ATRNL1: variants seen among roughly 807,000 people sequenced by gnomAD.
ATRNL1 encodes the protein attractin-like protein 1.
ATRNL1 carries 95 observed loss-of-function variants against 182.7 expected under a neutral mutation model. The observed-to-expected ratio is 0.52, with a 90% CI of 0.44 to 0.62. The LOEUF is 0.62. ATRNL1 is among the 20% of genes least tolerant of loss of function. The pLI, the probability that ATRNL1 is intolerant of heterozygous loss-of-function variation, is 0.00. For synonymous variants in ATRNL1, 576 were observed against 568.3 expected (o/e 1.01, Z -0.19); for missense variants, 1,471 against 1,679.5 (o/e 0.88, Z 2.17).
intron 27 of ATRNL1, among the ~76,000 whole-genome samples, chr10:115,828,055 C>T (rs1156562741): frequency 2.6e-5 from 4 of 151,968 alleles, no homozygotes; most frequent in East Asian, 1.9e-4. Context: ...CGGGGGCTCA[C>T]GCCTGTAATC....
chr10:115,294,209 C>A (rs1197881890), intron 15 of ATRNL1, among the ~76,000 whole-genome samples: 2 of 152,138 alleles, frequency 1.3e-5, no homozygotes, highest in African/African-American at 4.8e-5. Flanking sequence ...TCTAGCTGGG[C>A]ATGGTGGTGT....
At chr10:115,493,630 C>T (rs1036672822) in intron 24 of ATRNL1, among the ~76,000 whole-genome samples, 27 of 152,194 alleles carry the variant, frequency 1.8e-4, no homozygotes, top group African/African-American at 4.6e-4. Context: ...GGTACATACC[C>T]AATAATGGGA....
At chr10:115,737,579 T>C (rs1314425333) in intron 27 of ATRNL1, among the ~76,000 whole-genome samples, 1 of 152,216 alleles carries the variant, frequency 6.6e-6, no homozygotes, top group East Asian at 1.9e-4. Context: ...TTCCTCCTCC[T>C]GGCCTTGGCT....
At chr10:115,311,135 T>G (rs1854000798) in intron 17 of ATRNL1, among the ~76,000 whole-genome samples, 1 of 152,116 alleles carries the variant, frequency 6.6e-6, no homozygotes, top group Non-Finnish European at 1.5e-5. Context: ...CCTTTTGGAA[T>G]TGATTTCTAG....
intron 17 of ATRNL1, among the ~76,000 whole-genome samples, chr10:115,311,509 T>C (rs1331943288): frequency 1.3e-5 from 2 of 152,134 alleles, no homozygotes; most frequent in South Asian, 2.1e-4. Context: ...TTATAACTTA[T>C]TGAGACTTGT....
chr10:115,911,995 G>A (rs17269917), intron 28 of ATRNL1, among the ~76,000 whole-genome samples: 24,928 of 152,088 alleles, frequency 0.16, 2,216 homozygotes, highest in Non-Finnish European at 0.2. Flanking sequence ...ACTACACCAT[G>A]CGCTAACACA....
chr10:115,527,673 T>C (rs1218870943), intron 25 of ATRNL1, among the ~76,000 whole-genome samples: 1 of 152,166 alleles, frequency 6.6e-6, no homozygotes, highest in East Asian at 1.9e-4. Flanking sequence ...CTTTGTTTCA[T>C]TTTATAAATT....
intron 26 of ATRNL1, among the ~76,000 whole-genome samples, chr10:115,692,412 G>A (rs1946422925): frequency 6.6e-6 from 1 of 152,058 alleles, no homozygotes. Flanking sequence ...AGCATACAAA[G>A]TTTCAGTCAG....
intron 27 of ATRNL1, among the ~76,000 whole-genome samples, chr10:115,818,644 A>T (rs1555089333): frequency 6.6e-6 from 1 of 152,114 alleles, no homozygotes; most frequent in Non-Finnish European, 1.5e-5. Context: ...TTGAAAAGCC[A>T]GTGATATTTA....
intron 25 of ATRNL1, among the ~76,000 whole-genome samples, chr10:115,530,515 T>G (rs1303174703): frequency 6.6e-6 from 1 of 152,100 alleles, no homozygotes; most frequent in Non-Finnish European, 1.5e-5. Context: ...TAATAAGAGT[T>G]AAGCGCTTGA....
intron 27 of ATRNL1, among the ~76,000 whole-genome samples, chr10:115,768,937 T>C (rs1948922374): frequency 6.6e-6 from 1 of 151,996 alleles, no homozygotes; most frequent in Non-Finnish European, 1.5e-5. Flanking sequence ...CTTTTAAATC[T>C]TTTTCTTGTC....
chr10:115,131,369 G>T (rs1845227813), intron 5 of ATRNL1, among the ~76,000 whole-genome samples: 1 of 152,048 alleles, frequency 6.6e-6, no homozygotes, highest in South Asian at 2.1e-4. Flanking sequence ...TTAAGGAAAT[G>T]ATTTCTGAAT....
intron 27 of ATRNL1, among the ~76,000 whole-genome samples, chr10:115,821,591 A>C (rs781991910): frequency 3.2e-4 from 49 of 152,190 alleles, no homozygotes; most frequent in Non-Finnish European, 5.7e-4. Context: ...GGATGGAGGA[A>C]GATTTACCAA....
intron 27 of ATRNL1, among the ~76,000 whole-genome samples, chr10:115,832,781 GC>G: frequency 6.6e-6 from 1 of 152,150 alleles, no homozygotes; most frequent in East Asian, 1.9e-4. Context: ...TTGCTTGCTT[GC>G]TTCAAAGCCA....
At chr10:115,228,950 A>G (rs1192640432) in intron 9 of ATRNL1, among the ~76,000 whole-genome samples, 6 of 151,702 alleles carry the variant, frequency 4.0e-5, no homozygotes, top group Admixed American at 2.0e-4. Flanking sequence ...TATTTTTAGT[A>G]TAGATGGGGT....
intron 8 of ATRNL1, among the ~76,000 whole-genome samples, chr10:115,185,939 A>C (rs1267233172): frequency 6.6e-6 from 1 of 151,966 alleles, no homozygotes; most frequent in Non-Finnish European, 1.5e-5. Context: ...GAAATAGTAA[A>C]TATTTTGGGC....
chr10:115,431,683 C>A (rs1029937866), intron 21 of ATRNL1, among the ~76,000 whole-genome samples: 1 of 152,006 alleles, frequency 6.6e-6, no homozygotes, highest in Non-Finnish European at 1.5e-5. Flanking sequence ...ACTTATAGAT[C>A]CATACATGTT....
At chr10:115,734,763 G>T (rs1947899704) in intron 27 of ATRNL1, among the ~76,000 whole-genome samples, 1 of 151,752 alleles carries the variant, frequency 6.6e-6, no homozygotes, top group Non-Finnish European at 1.5e-5. Context: ...ATATTTTTCA[G>T]ACCCTACCTT....
intron 26 of ATRNL1, among the ~76,000 whole-genome samples, chr10:115,671,914 G>T (rs996396507): frequency 6.6e-6 from 1 of 151,976 alleles, no homozygotes; most frequent in African/African-American, 2.4e-5. Flanking sequence ...CCCATAAGGT[G>T]AGAGAAACAA....
Sources: gnomAD v4.1 joint callset for allele counts (sites outside exome capture counted in the v4.1 genomes callset) on GRCh38, gnomAD v4.1.1 for gene constraint, MANE v1.5 for transcripts, NCBI Gene and HGNC (gene_info 2026-07-23, HGNC 2026-07-21) for gene names.